DIP2C: variants seen among roughly 807,000 people sequenced by gnomAD.
DIP2C encodes disco-interacting protein 2 homolog C.
DIP2C carries 33 observed loss-of-function variants against 192.4 expected under a neutral mutation model. The observed-to-expected ratio is 0.17, with a 90% CI of 0.13 to 0.23. DIP2C has a LOEUF of 0.23. DIP2C is among the 10% of genes least tolerant of loss of function. The probability of loss-of-function intolerance (pLI) is 1.00; values close to 1 mark genes in which losing one functional copy is unlikely to be tolerated. For missense variants in DIP2C, 1,537 were observed against 2,110.1 expected, an observed-to-expected ratio of 0.73 and a Z score of 5.32; for synonymous variants, 979 against 864.1, an observed-to-expected ratio of 1.13 and a Z score of -2.33.
intron 32 of DIP2C, among the ~76,000 whole-genome samples, chr10:295,741 AG>A (rs1351458811): frequency 3.3e-5 from 5 of 151,728 alleles, no homozygotes; most frequent in Non-Finnish European, 7.4e-5. Flanking sequence ...AGCAGTATGA[AG>A]GCTCCTTAAA....
chr10:577,116 C>T (rs1471788326), intron 1 of DIP2C, among the ~76,000 whole-genome samples: 3 of 152,142 alleles, frequency 2.0e-5, no homozygotes, highest in Non-Finnish European at 4.4e-5. Context: ...AAAAATAAAG[C>T]GCAGATATTC....
In DIP2C at chr10:538,665, TAAG is replaced by T. The variant is rs1170507542; in HGVS notation, c.86-52138_86-52136del. 5.3e-5 allele frequency among the ~76,000 whole-genome samples: 8 copies of T among 152,198 alleles called. No individual in the cohort carries two copies. The East Asian group carries it at 1.2e-3, about 22-fold the overall frequency. On this transcript the variant is annotated intron_variant, in intron 1 of 36. Coordinates refer to ENST00000280886, the MANE Select transcript of DIP2C (RefSeq NM_014974.3). ...TTTGTTGTTGTTCTCTAGCCAAACTTAAGAACCTCACAAATAAGTCTAAGAACC... is the reference window on the plus strand; with the variant it reads ...TTTGTTGTTGTTCTCTAGCCAAACTTAACCTCACAAATAAGTCTAAGAACC...
chr10:503,785 G>C (rs1006415392), intron 1 of DIP2C, among the ~76,000 whole-genome samples: 3 of 152,172 alleles, frequency 2.0e-5, no homozygotes, highest in Non-Finnish European at 4.4e-5. Context: ...TTTCAGGACA[G>C]GACAATCCTC....
chr10:547,329 G>A (rs1848337077), intron 1 of DIP2C, among the ~76,000 whole-genome samples: 1 of 152,150 alleles, frequency 6.6e-6, no homozygotes, highest in Non-Finnish European at 1.5e-5. Flanking sequence ...GCCCTCCCAG[G>A]CCCAGCGAGC....
chr10:379,556 T>G (rs2132865520), intron 17 of DIP2C, among the ~76,000 whole-genome samples: 1 of 152,318 alleles, frequency 6.6e-6, no homozygotes, highest in African/African-American at 2.4e-5. Flanking sequence ...TGCTGGCACC[T>G]GCAGCCACTG....
chr10:584,095 C>T (rs903309159), intron 1 of DIP2C, among the ~76,000 whole-genome samples: 13 of 152,314 alleles, frequency 8.5e-5, no homozygotes, highest in Non-Finnish European at 1.5e-4. Context: ...GACTCTGAGG[C>T]TGCCCTGAAG....
intron 15 of DIP2C, 40 bp downstream of exon 15, chr10:384,506 G>A (rs370481840): frequency 2.5e-6 from 4 of 1,599,348 alleles, no homozygotes; most frequent in Non-Finnish European, 3.4e-6. Context: ...CTAAAGCGCT[G>A]GGATTACAGG....
chr10:310,140 T>C (rs45608133), intron 31 of DIP2C, 48 bp from the exon 32 acceptor site: 1,376 of 1,533,668 alleles, frequency 9.0e-4, no homozygotes, highest in African/African-American at 8.8e-3. Context: ...TGGAGGGAGA[T>C]TGGGGTCTGT....
intron 1 of DIP2C, among the ~76,000 whole-genome samples, chr10:607,767 A>C (rs1852602221): frequency 6.6e-6 from 1 of 152,112 alleles, no homozygotes; most frequent in South Asian, 2.1e-4. Context: ...TTCAGAGACA[A>C]TGGAAACCTC....
intron 2 of DIP2C, chr10:484,773 G>A (rs770364878): frequency 5.0e-6 from 8 of 1,609,732 alleles, no homozygotes; most frequent in Middle Eastern, 1.7e-4. Flanking sequence ...CAGCAAAGCA[G>A]CGCTCACCGA....
At chr10:470,297 A>G (rs2133431151) in intron 3 of DIP2C, among the ~76,000 whole-genome samples, 1 of 152,308 alleles carries the variant, frequency 6.6e-6, no homozygotes, top group South Asian at 2.1e-4. Context: ...CAATTTTACA[A>G]AAACAGGAGA....
intron 3 of DIP2C, among the ~76,000 whole-genome samples, chr10:462,367 T>C (rs1268667501): frequency 6.6e-6 from 1 of 152,064 alleles, no homozygotes; most frequent in Non-Finnish European, 1.5e-5. Context: ...CCCACAGAAA[T>C]ACAAACTACC....
intron 3 of DIP2C, among the ~76,000 whole-genome samples, chr10:451,321 G>T (rs1466078716): frequency 6.6e-6 from 1 of 152,180 alleles, no homozygotes; most frequent in South Asian, 2.1e-4. Context: ...TTGGAAAGAG[G>T]ACGTGGGACT....
At chr10:676,579 A>G (rs1289998414) in intron 1 of DIP2C, among the ~76,000 whole-genome samples, 2 of 152,146 alleles carry the variant, frequency 1.3e-5, no homozygotes, top group Non-Finnish European at 2.9e-5. Context: ...ATACAAAATG[A>G]ACATATAAAA....
At chr10:308,331 G>A (rs759937503) in intron 32 of DIP2C, among the ~76,000 whole-genome samples, 1 of 151,872 alleles carries the variant, frequency 6.6e-6, no homozygotes, top group Non-Finnish European at 1.5e-5. Context: ...GAACTGCACC[G>A]CCAGCTCCTG....
chr10:354,093 A>G (rs1286594824), intron 24 of DIP2C, among the ~76,000 whole-genome samples: 2 of 152,168 alleles, frequency 1.3e-5, no homozygotes, highest in South Asian at 2.1e-4. Context: ...AACACAAGCA[A>G]TAGCTCAAGC....
intron 3 of DIP2C, among the ~76,000 whole-genome samples, chr10:444,192 C>G (rs1967966570): frequency 1.3e-5 from 2 of 152,020 alleles, no homozygotes; most frequent in African/African-American, 4.8e-5. Context: ...TTCCTTGGCG[C>G]TCTTCCATCA....
intron 32 of DIP2C, among the ~76,000 whole-genome samples, 157 bp from the exon 33 acceptor site, chr10:288,578 C>G (rs564278171): frequency 6.6e-6 from 1 of 152,220 alleles, no homozygotes; most frequent in Non-Finnish European, 1.5e-5. Context: ...AGCAGCCCAG[C>G]AGCAGAGGAA....
chr10:572,599 T>C (rs1184024098), intron 1 of DIP2C, among the ~76,000 whole-genome samples: 1 of 152,258 alleles, frequency 6.6e-6, no homozygotes, highest in African/African-American at 2.4e-5. Context: ...GATGTGACTT[T>C]GTATGTACAC....
Sources: gnomAD v4.1 joint callset for allele counts (sites outside exome capture counted in the v4.1 genomes callset) on GRCh38, gnomAD v4.1.1 for gene constraint, MANE v1.5 for transcripts, NCBI Gene and HGNC (gene_info 2026-07-23, HGNC 2026-07-21) for gene names.